The following RPL12 variants were observed in gnomAD, a reference collection of about 807,000 sequenced individuals.
RPL12 encodes the protein large ribosomal subunit protein uL11.
Under a neutral mutation model 24.5 loss-of-function variants are expected in RPL12, and 10 were observed. That is an observed-to-expected ratio of 0.41 (90% CI 0.25 to 0.69). RPL12 has a LOEUF of 0.69. Among genes scored for constraint, RPL12 ranks in the 30% least tolerant of loss-of-function variants. RPL12 has a pLI of 0.33. For missense variants in RPL12, 137 were observed against 205.3 expected (o/e 0.67, Z 2.03); for synonymous variants, 74 against 76.1 (o/e 0.97, Z 0.14).
At chr9:127,450,965 A>T in intron 1 of RPL12, 161 bp from the exon 2 acceptor site, 2 of 666,786 alleles carry the variant, frequency 3.0e-6, no homozygotes, top group Non-Finnish European at 5.1e-6. Context: ...GGCAGCTCCG[A>T]AACTCACACC....
At chr9:127,448,576 A>G (rs1285164958) in intron 4 of RPL12, 153 bp from the exon 5 acceptor site, 2 of 767,308 alleles carry the variant, frequency 2.6e-6, no homozygotes, top group Non-Finnish European at 4.8e-6. Context: ...GTTTACTATC[A>G]GCTCACCACT....
In RPL12 at chr9:127,451,274, C is replaced by A. The variant is rs745601002; in HGVS notation, c.37+7G>T. 6 of 1,612,930 alleles carry A rather than the reference C, an allele frequency of 3.7e-6. No individual in the cohort carries two copies. The African/African-American group carries it at 6.7e-5, about 18-fold the overall frequency. On this transcript the variant is annotated splice_region_variant and intron_variant, in intron 1 of 6. Transcript: ENST00000361436. Reference sequence around the variant, plus strand: ...CCCGCAGCCCCGGCCACAACCAGAGCACGCACCGACTTTGATCTCGTTGGG... The same window carrying A: ...CCCGCAGCCCCGGCCACAACCAGAGAACGCACCGACTTTGATCTCGTTGGG...
At chr9:127,450,349 C>CT (rs1834264493) in intron 2 of RPL12, 1 of 206,318 alleles carries the variant, frequency 4.8e-6, no homozygotes. Context: ...TACAACACAG[C>CT]TGGAAACGCT....
rs569084114 is a variant in RPL12, at chr9:127,451,405, G to A, written c.-88C>T. 6.7e-5 allele frequency: 105 copies of A among 1,561,908 alleles called. No individual in the cohort carries two copies. Among genetic ancestry groups the A allele is most frequent in the Middle Eastern group, 2.3e-4 (1 of 4,298 alleles). On this transcript the variant is annotated 5_prime_UTR_variant, in exon 1 of 7. Transcript: ENST00000361436. ...GCCTCCTCCGAGCCGAAAGCCGAGA[G>A]GCCGGAAATCGCGCGGACAAGCCAG...
Position 127,451,370 on chromosome 9 carries a change from T to G in RPL12, c.-53A>C. 2 of 1,608,812 alleles carry G rather than the reference T, an allele frequency of 1.2e-6. No homozygotes were observed. Among genetic ancestry groups the G allele is most frequent in the East Asian group, 4.5e-5 (2 of 44,814 alleles). ...CCGGATTCGGGACGACCGAAGGAAGTTGCACCTTGGCCTCCTCCGAGCCGA... is the reference window on the plus strand; with the variant it reads ...CCGGATTCGGGACGACCGAAGGAAGGTGCACCTTGGCCTCCTCCGAGCCGA... On this transcript the variant is annotated 5_prime_UTR_variant, in exon 1 of 7. Transcript: ENST00000361436.
At chr9:127,448,074 T>A in intron 5 of RPL12, 85 bp from the exon 6 acceptor site, 1 of 1,453,968 alleles carries the variant, frequency 6.9e-7, no homozygotes, top group Admixed American at 2.4e-5. Flanking sequence ...AAGGGGTTCA[T>A]AGCAGGCAAT....
chr9:127,448,964 C>T (rs1834221095), intron 4 of RPL12: 1 of 338,462 alleles, frequency 3.0e-6, no homozygotes, highest in Admixed American at 4.2e-5. Flanking sequence ...TCTGAGTAGC[C>T]AGGTCTACAG....
chr9:127,449,226 TATCA>T lies in RPL12; in HGVS notation c.292+51_292+54del, dbSNP rs758589213. ...CTTTAAGGGAAAACACAGCCACATA[TATCA>T]AACATCTCACAAACCATTACCAAAA... On this transcript the variant is annotated intron_variant, in intron 4 of 6. Transcript: ENST00000361436. 5.1e-5 allele frequency: 73 copies of T among 1,445,452 alleles called. 1 individual carries two copies. Among genetic ancestry groups the T allele is most frequent in the Non-Finnish European group, 6.8e-5 (70 of 1,035,618 alleles). 89.5% of individuals were successfully genotyped at this position (1,445,452 alleles called of 1,614,324 possible). A position where few individuals can be genotyped will look rare whatever the true frequency, so the allele number is the denominator to read the frequency against.
intron 5 of RPL12, 23 bp downstream of exon 5, chr9:127,448,314 G>A: frequency 6.4e-7 from 1 of 1,560,538 alleles, no homozygotes; most frequent in Non-Finnish European, 8.8e-7. Flanking sequence ...AGTTATGGCG[G>A]TTACATGTTG....
At chr9:127,451,167 G>A in intron 1 of RPL12, 114 bp downstream of exon 1, 2 of 1,402,466 alleles carry the variant, frequency 1.4e-6, no homozygotes, top group East Asian at 2.4e-5. Flanking sequence ...GCAACACCGG[G>A]AAGGTCTCTG....
Position 127,449,725 on chromosome 9 carries a change from G to T in RPL12, c.112-17C>A. 6.3e-7 allele frequency: 1 copy of T among 1,594,170 alleles called. No homozygotes were observed. The highest frequency in any genetic ancestry group is 8.6e-7 in the Non-Finnish European group (1 of 1,165,090). ...TTTTGGAGACTAGAAATAAAGGCAT[G>T]TAATCAACATGGTGTCCAGAGGTGA... is the stretch of plus-strand genomic sequence containing the variant. On this transcript the variant is annotated splice_polypyrimidine_tract_variant and intron_variant, in intron 2 of 6. Coordinates refer to ENST00000361436, the MANE Select transcript of RPL12 (RefSeq NM_000976.4).
intron 2 of RPL12, chr9:127,450,207 A>G: frequency 5.7e-6 from 1 of 176,910 alleles, no homozygotes; most frequent in Non-Finnish European, 1.2e-5. Context: ...GGGGCAGGGG[A>G]GCACTGTGCA....
intron 3 of RPL12, 102 bp downstream of exon 3, chr9:127,449,508 C>T: frequency 7.6e-7 from 1 of 1,319,122 alleles, no homozygotes; most frequent in Non-Finnish European, 1.1e-6. Flanking sequence ...GGTGAAATCA[C>T]TCTCGGCTCA....
At chr9:127,448,738 C>A in intron 4 of RPL12, 1 of 507,844 alleles carries the variant, frequency 2.0e-6, no homozygotes, top group Non-Finnish European at 3.7e-6. Context: ...TACCTGCCAC[C>A]TGTATGTGGT....
intron 1 of RPL12, 138 bp from the exon 2 acceptor site, chr9:127,450,942 T>C (rs1196040936): frequency 8.3e-6 from 6 of 726,684 alleles, no homozygotes; most frequent in African/African-American, 1.8e-5. Context: ...CACCCGCTCC[T>C]CCCTCGGGTG....
At chr9:127,450,652 G>A (rs1834277562) in intron 2 of RPL12, 79 bp downstream of exon 2, 2 of 1,103,200 alleles carry the variant, frequency 1.8e-6, no homozygotes, top group African/African-American at 1.6e-5. Context: ...GGGCACCTCT[G>A]GCACAGGCGT....
rs991798804 is a variant in RPL12, at chr9:127,450,786, C to G, written c.56G>C (p.Gly19Ala). ...GGCAGAAGTGGCACCGACTTCACCT[C>G]CGGTGCACCTCAGGTATACTGGGGG... ...EIKVVYLRCT[G>A]GEVGATSALA... The change falls in exon 2 of 7, where the codon GGA becomes GCA. Residue 19 changes from glycine to alanine, a missense_variant. Gly to Ala is a moderately conservative substitution (Grantham distance 60). Coordinates refer to ENST00000361436, the MANE Select transcript of RPL12 (RefSeq NM_000976.4). 1.9e-6 allele frequency: 3 copies of G among 1,578,428 alleles called. No individual in the cohort carries two copies. Among genetic ancestry groups the G allele is most frequent in the East Asian group, 2.3e-5 (1 of 43,168 alleles).
chr9:127,449,602 G>A lies in RPL12; in HGVS notation c.210+8C>T. The A allele has an allele frequency of 3.1e-6, 5 of 1,611,278 alleles. No individual in the cohort carries two copies. Among genetic ancestry groups the A allele is most frequent in the Non-Finnish European group, 4.2e-6 (5 of 1,177,436 alleles). On this transcript the variant is annotated splice_region_variant and intron_variant, in intron 3 of 6. Transcript: ENST00000361436. ...CCTCCTCTCCCGAAACCAAGCACAA[G>A]CAAATACCTGGGCCTGTCTGTTCTG...
At chr9:127,451,089 A>G (rs1268643725) in intron 1 of RPL12, 192 bp downstream of exon 1, 2 of 763,930 alleles carry the variant, frequency 2.6e-6, no homozygotes, top group Non-Finnish European at 2.1e-6. Flanking sequence ...CAGGTGGTCC[A>G]GTCCTCCCTC....
Sources: gnomAD v4.1 joint callset for allele counts on GRCh38, gnomAD v4.1.1 for gene constraint, MANE v1.5 for transcripts, NCBI Gene and HGNC (gene_info 2026-07-23, HGNC 2026-07-21) for gene names.